Variants in TNR observed in about 807,000 individuals in gnomAD.
TNR encodes the protein tenascin R.
TNR carries 45 observed loss-of-function variants against 150.4 expected under a neutral mutation model. The ratio of observed to expected loss-of-function variants is 0.30; its 90% CI spans 0.24 to 0.38. The LOEUF (loss-of-function observed/expected upper bound fraction) is 0.38. Ranked by LOEUF, TNR falls within the 10% of genes least tolerant of loss-of-function variation. The pLI is 1.00. For missense variants in TNR, 1,544 were observed against 1,759.1 expected (o/e 0.88, Z 2.19); for synonymous variants, 687 against 678.4 (o/e 1.01, Z -0.20).
chr1:175,533,031 G>A (rs989205828), intron 1 of TNR, among the ~76,000 whole-genome samples: 7 of 152,152 alleles, frequency 4.6e-5, no homozygotes, highest in African/African-American at 1.7e-4. Flanking sequence ...GATCAACTGG[G>A]GGTCATCTTG....
rs891545294 is a variant in TNR at position 175,498,718 on chromosome 1, T to C, written c.-64+29551A>G. The stretch of plus-strand genomic sequence containing the variant: ...AACCATCGAGGGAGGGCATACATGC[T>C]GGAGAGCTGGCAGAGTGCAAGGAGG... On this transcript the variant is annotated intron_variant, in intron 2 of 22. Coordinates refer to ENST00000367674, the MANE Select transcript of TNR (RefSeq NM_003285.3). 3.3e-5 allele frequency among the ~76,000 whole-genome samples: 5 copies of C among 152,160 alleles called. No individual in the cohort carries two copies. In the South Asian group the frequency reaches 1.0e-3, roughly 32 times the overall value.
chr1:175,432,416 A>C (rs1386808079), intron 2 of TNR, among the ~76,000 whole-genome samples: 1 of 152,204 alleles, frequency 6.6e-6, no homozygotes, highest in Non-Finnish European at 1.5e-5. Flanking sequence ...CCAGGAATCT[A>C]AAACTTGCCC....
At chr1:175,581,391 C>T (rs543914167) in intron 1 of TNR, among the ~76,000 whole-genome samples, 2 of 152,134 alleles carry the variant, frequency 1.3e-5, no homozygotes, top group Non-Finnish European at 2.9e-5. Flanking sequence ...GGCAAAGAAA[C>T]GGAGGTCCCA....
At chr1:175,408,828 G>C (rs1402732785) in intron 2 of TNR, among the ~76,000 whole-genome samples, 1 of 152,182 alleles carries the variant, frequency 6.6e-6, no homozygotes. Flanking sequence ...CCCTAGTCAA[G>C]GACTTCCCTG....
chr1:175,584,597 G>A (rs1343556697), intron 1 of TNR, among the ~76,000 whole-genome samples: 2 of 152,194 alleles, frequency 1.3e-5, no homozygotes, highest in African/African-American at 4.8e-5. Flanking sequence ...CTACATAACA[G>A]ATTCTAAAAC....
At chr1:175,427,731 T>TTTCCTTCCTTCC (rs138869758) in intron 2 of TNR, among the ~76,000 whole-genome samples, 10 of 126,706 alleles carry the variant, frequency 7.9e-5, no homozygotes, top group African/African-American at 2.4e-4. Flanking sequence ...CTCTCTTTCT[T>TTTCCTTCCTTCC]TTCCTTCCTT....
At chr1:175,466,797 G>C (rs1322999100) in intron 2 of TNR, among the ~76,000 whole-genome samples, 1 of 152,120 alleles carries the variant, frequency 6.6e-6, no homozygotes, top group Admixed American at 6.5e-5. Context: ...CCTCCATCTG[G>C]CATGTTCTAC....
intron 2 of TNR, among the ~76,000 whole-genome samples, chr1:175,494,511 A>G (rs1388230531): frequency 6.6e-6 from 1 of 152,164 alleles, no homozygotes; most frequent in Admixed American, 6.5e-5. Context: ...CTGCCTGTCT[A>G]CCTGGGGAGG....
rs567528769 is a variant in TNR at position 175,674,875 on chromosome 1, T to C, written c.-165+68351A>G. On this transcript the variant is annotated intron_variant, in intron 1 of 22. Coordinates refer to ENST00000367674, the MANE Select transcript of TNR (RefSeq NM_003285.3). ...TGCTGTGATGGATTTTTTAATTGGA[T>C]TGTGACAAACATTTAATACCTAATA... 3.3e-5 allele frequency among the ~76,000 whole-genome samples: 5 copies of C among 152,216 alleles called. No homozygotes were observed. The South Asian group carries it at 1.0e-3, about 32-fold the overall frequency.
chr1:175,356,488 G>T (rs916636789), intron 15 of TNR, 26 bp from the exon 16 acceptor site: 7 of 1,612,752 alleles, frequency 4.3e-6, no homozygotes, highest in Non-Finnish European at 5.9e-6. Flanking sequence ...TATGAATAAG[G>T]GTTGAATAAG....
intron 1 of TNR, among the ~76,000 whole-genome samples, chr1:175,686,599 T>G (rs528603687): frequency 6.6e-6 from 1 of 152,294 alleles, no homozygotes; most frequent in East Asian, 1.9e-4. Flanking sequence ...ACCCAAATAG[T>G]AAATATAGTA....
chr1:175,706,815 T>C (rs548383283), intron 1 of TNR, among the ~76,000 whole-genome samples: 44 of 152,138 alleles, frequency 2.9e-4, no homozygotes, highest in Middle Eastern at 3.4e-3. Context: ...ACCACCTCCT[T>C]ACCCCCAAAA....
At chr1:175,344,135 C>A (rs112707039) in intron 18 of TNR, among the ~76,000 whole-genome samples, 1 of 152,198 alleles carries the variant, frequency 6.6e-6, no homozygotes, top group African/African-American at 2.4e-5. Flanking sequence ...AGATCTCTAT[C>A]GGCTACCCCT....
intron 1 of TNR, among the ~76,000 whole-genome samples, chr1:175,639,452 A>T (rs1379399019): frequency 6.6e-6 from 1 of 152,204 alleles, no homozygotes; most frequent in Non-Finnish European, 1.5e-5. Flanking sequence ...GCTCTCACTG[A>T]GGTGCCCTTC....
chr1:175,492,885 A>G (rs1186713495), intron 2 of TNR, among the ~76,000 whole-genome samples: 1 of 152,200 alleles, frequency 6.6e-6, no homozygotes. Flanking sequence ...CTGTTCCCAC[A>G]TATGGGCCTC....
intron 1 of TNR, among the ~76,000 whole-genome samples, chr1:175,600,570 C>G (rs1298980089): frequency 6.6e-6 from 1 of 152,184 alleles, no homozygotes; most frequent in South Asian, 2.1e-4. Context: ...AGGGTTTGCA[C>G]GTAAAGATAG....
intron 15 of TNR, among the ~76,000 whole-genome samples, chr1:175,359,136 C>CTTGTTTTTTTTTTT (rs1557883635): frequency 3.2e-5 from 1 of 30,966 alleles, no homozygotes; most frequent in Non-Finnish European, 7.7e-5. Flanking sequence ...TTGGGGATAT[C>CTTGTTTTTTTTTTT]TTCTTTTTTT....
chr1:175,673,026 G>T (rs1284158428), intron 1 of TNR, among the ~76,000 whole-genome samples: 3 of 152,138 alleles, frequency 2.0e-5, no homozygotes, highest in Non-Finnish European at 4.4e-5. Context: ...GACCTCTGAA[G>T]CCACACAGGG....
intron 9 of TNR, among the ~76,000 whole-genome samples, chr1:175,377,401 C>A (rs932150516): frequency 6.6e-6 from 1 of 150,972 alleles, no homozygotes; most frequent in East Asian, 1.9e-4. Flanking sequence ...AATTAGCCTG[C>A]GGCTCTAGGC....
Sources: gnomAD v4.1 joint callset for allele counts (sites outside exome capture counted in the v4.1 genomes callset) on GRCh38, gnomAD v4.1.1 for gene constraint, MANE v1.5 for transcripts, NCBI Gene and HGNC (gene_info 2026-07-23, HGNC 2026-07-21) for gene names.